The following HDAC2 variants were observed in gnomAD, a reference collection of about 807,000 sequenced individuals.
HDAC2 encodes the protein histone deacetylase 2.
A neutral mutation model predicts 68.5 loss-of-function variants in HDAC2; 5 were observed. That is an observed-to-expected ratio of 0.07 (90% CI 0.04 to 0.15). The LOEUF (loss-of-function observed/expected upper bound fraction) is 0.15. Ranked by LOEUF, HDAC2 falls within the 10% of genes least tolerant of loss-of-function variation. HDAC2 has a pLI of 1.00. For synonymous variants in HDAC2, 182 were observed against 191.3 expected, an observed-to-expected ratio of 0.95 and a Z score of 0.40; for missense variants, 291 against 600.8, an observed-to-expected ratio of 0.48 and a Z score of 5.39.
chr6:113,962,790 C>T (rs1776718012), intron 1 of HDAC2, among the ~76,000 whole-genome samples: 1 of 151,408 alleles, frequency 6.6e-6, no homozygotes, highest in South Asian at 2.1e-4. Context: ...TGTGAAACCC[C>T]GTCTCTACTA....
chr6:113,956,927 TTC>T (rs1776567641), intron 3 of HDAC2: 1 of 419,784 alleles, frequency 2.4e-6, no homozygotes, highest in South Asian at 4.1e-5. Flanking sequence ...TGTGGAATAT[TTC>T]TGTCTATTAA....
Position 113,941,750 on chromosome 6 carries a change from TCTTCTTCCTTAA to T in HDAC2, c.1382_1393del (p.Val461_Glu464del). ...TTCACCACTGTTGTCCTTGGATTTA[TCTTCTTCCTTAA>T]CGTCTAAAAATAAAGATTGGGAAAA... On this transcript the variant is annotated inframe_deletion, in exon 13 of 14. Coordinates refer to ENST00000519065, the MANE Select transcript of HDAC2 (RefSeq NM_001527.4). 1 of 1,422,662 alleles carries T rather than the reference TCTTCTTCCTTAA, an allele frequency of 7.0e-7. No homozygotes were observed. The highest frequency in any genetic ancestry group is 9.6e-7 in the Non-Finnish European group (1 of 1,038,558). The allele number at this position is 1,422,662 out of a possible 1,614,324, so 88.1% of individuals were successfully genotyped here.
intron 9 of HDAC2, 42 bp from the exon 10 acceptor site, chr6:113,945,512 G>T: frequency 1.1e-6 from 1 of 951,758 alleles, no homozygotes; most frequent in Non-Finnish European, 1.7e-6. Flanking sequence ...TACAAGCTCA[G>T]TTTTCACAAA....
chr6:113,961,555 G>T (rs1240038558), intron 1 of HDAC2, among the ~76,000 whole-genome samples: 2 of 152,100 alleles, frequency 1.3e-5, no homozygotes, highest in African/African-American at 4.8e-5. Flanking sequence ...ACATTCCTCT[G>T]CAATTATAAT....
chr6:113,943,620 G>T, intron 11 of HDAC2, 114 bp from the exon 12 acceptor site: 3 of 618,716 alleles, frequency 4.8e-6, no homozygotes, highest in South Asian at 7.6e-5. Flanking sequence ...AACGTAAAGG[G>T]TAACATGCCT....
Position 113,943,419 on chromosome 6 carries a change from T to C in HDAC2, c.1310A>G (p.Asp437Gly). 1 of 1,611,144 alleles carries C rather than the reference T, an allele frequency of 6.2e-7. No homozygotes were observed. Among genetic ancestry groups the C allele is most frequent in the East Asian group, 2.2e-5 (1 of 44,772 alleles). ...AGCTTTCTTTGCTCCTTTCTTATGA[T>C]CAGCCACATTTCTTCGACCTCCTTC... The part of the protein sequence containing the change: ...EGEGGRRNVA[D>G]HKKGAKKARI... The change falls in exon 12 of 14, where the codon GAT (aspartate) becomes GGT (glycine). Residue 437 changes from aspartate (D) to glycine (G), a missense_variant. By Grantham distance (94) the Asp-to-Gly change is moderately conservative. Transcript: ENST00000519065.
intron 11 of HDAC2, 78 bp downstream of exon 11, chr6:113,944,202 G>T: frequency 1.6e-6 from 2 of 1,215,092 alleles, no homozygotes; most frequent in Non-Finnish European, 1.2e-6. Flanking sequence ...TGACTTTATA[G>T]TGAAGTTCTT....
chr6:113,949,802 G>A (rs62415909), intron 6 of HDAC2, among the ~76,000 whole-genome samples: 16,568 of 150,344 alleles, frequency 0.11, 995 homozygotes, highest in African/African-American at 0.14. Flanking sequence ...TTTTTTTTGA[G>A]ACAGAGTTTT....
chr6:113,943,268 C>A, intron 12 of HDAC2, 83 bp downstream of exon 12: 1 of 1,120,968 alleles, frequency 8.9e-7, no homozygotes, highest in South Asian at 1.6e-5. Flanking sequence ...GTGCAACTGA[C>A]TTCTCGATAG....
chr6:113,957,104 A>G (rs1404567287), intron 3 of HDAC2: 1 of 156,246 alleles, frequency 6.4e-6, no homozygotes, highest in Non-Finnish European at 1.4e-5. Context: ...TACCTATAAT[A>G]TCTGTAACTT....
intron 9 of HDAC2, among the ~76,000 whole-genome samples, 156 bp from the exon 10 acceptor site, chr6:113,945,626 T>TA (rs1283912346): frequency 4.6e-5 from 7 of 152,254 alleles, no homozygotes; most frequent in Non-Finnish European, 1.0e-4. Flanking sequence ...GAATGGCACT[T>TA]ACTCTAATCA....
intron 1 of HDAC2, chr6:113,962,326 G>C: frequency 2.8e-6 from 2 of 721,722 alleles, no homozygotes; most frequent in South Asian, 1.2e-4. Context: ...CACAGCTAAT[G>C]TTCTTAAGTA....
At chr6:113,965,518 G>A (rs1582498923) in intron 1 of HDAC2, among the ~76,000 whole-genome samples, 2 of 151,986 alleles carry the variant, frequency 1.3e-5, no homozygotes, top group Middle Eastern at 3.2e-3. Flanking sequence ...ACAGGCACCC[G>A]TCACCATGCC....
intron 6 of HDAC2, among the ~76,000 whole-genome samples, chr6:113,949,514 T>G (rs981211560): frequency 1.2e-5 from 1 of 86,686 alleles, no homozygotes; most frequent in African/African-American, 4.6e-5. Flanking sequence ...TGATTATTTT[T>G]GACAGAAAAG....
chr6:113,948,687 A>T (rs1038325309), intron 8 of HDAC2: 34 of 297,554 alleles, frequency 1.1e-4, no homozygotes, highest in Non-Finnish European at 1.7e-4. Flanking sequence ...ATTAAGTAAA[A>T]AAGTATGCAT....
chr6:113,970,739 C>G (rs1415505977), intron 1 of HDAC2, 118 bp downstream of exon 1: 4 of 1,418,448 alleles, frequency 2.8e-6, no homozygotes, highest in Non-Finnish European at 2.7e-6. Flanking sequence ...TAAGATGCGG[C>G]CAAATGTCGG....
intron 1 of HDAC2, among the ~76,000 whole-genome samples, chr6:113,962,927 G>T: frequency 6.9e-6 from 1 of 144,128 alleles, no homozygotes; most frequent in African/African-American, 2.6e-5. Flanking sequence ...TCGTGCCACT[G>T]CACTCCAGCC....
chr6:113,942,225 T>C (rs1776152081), intron 12 of HDAC2, among the ~76,000 whole-genome samples: 1 of 152,118 alleles, frequency 6.6e-6, no homozygotes, highest in African/African-American at 2.4e-5. Flanking sequence ...AGGAAAATCC[T>C]ACAGCTAAAG....
At chr6:113,956,728 TC>T in intron 3 of HDAC2, 35 bp from the exon 4 acceptor site, 1 of 1,458,818 alleles carries the variant, frequency 6.9e-7, no homozygotes, top group Non-Finnish European at 9.6e-7. Flanking sequence ...TTCAACACAT[TC>T]TGCAAATTAA....
Sources: gnomAD v4.1 joint callset for allele counts (sites outside exome capture counted in the v4.1 genomes callset) on GRCh38, gnomAD v4.1.1 for gene constraint, MANE v1.5 for transcripts, NCBI Gene and HGNC (gene_info 2026-07-23, HGNC 2026-07-21) for gene names.